GIPC3: variants seen among roughly 807,000 people sequenced by gnomAD.
The protein encoded by GIPC3 is GIPC PDZ domain containing family member 3.
In GIPC3, 16 loss-of-function variants were observed where a neutral mutation model predicts 27.3. The observed-to-expected ratio is 0.59, with a 90% CI of 0.40 to 0.89. The LOEUF is 0.89. GIPC3 is among the 40% of genes least tolerant of loss of function. The pLI is 0.00. For missense variants in GIPC3, 440 were observed against 442.1 expected (o/e 1.00, Z 0.04); for synonymous variants, 194 against 184.6 (o/e 1.05, Z -0.41).
rs918572468 is a variant in GIPC3, at chr19:3,589,647, G to A, written c.705+92G>A. 7.4e-5 allele frequency: 92 copies of A among 1,238,710 alleles called. No homozygotes were observed. In the African/African-American group the frequency reaches 1.2e-3, roughly 17 times the overall value. 76.7% of individuals were successfully genotyped at this position (1,238,710 alleles called of 1,614,324 possible). Reference sequence around the variant, plus strand: ...TCTTGGGTAAGAACTTCTCCTCGGAGCCTCAGTTTCTCTGCCTGCAAAATG... The same window carrying A: ...TCTTGGGTAAGAACTTCTCCTCGGAACCTCAGTTTCTCTGCCTGCAAAATG... On this transcript the variant is annotated intron_variant, in intron 4 of 5. Coordinates refer to ENST00000644452, the MANE Select transcript of GIPC3 (RefSeq NM_133261.3).
Position 3,591,231 on chromosome 19 carries a change from A to G in GIPC3, c.*1041A>G, listed in dbSNP as rs1183285926. On this transcript the variant is annotated 3_prime_UTR_variant, in exon 6 of 6. Transcript: ENST00000644452. ...CTCTGAGGCCAAACCCAGCTCTAGA[A>G]CCCAGATAAGATCTGAGACCAAGCC... is the stretch of plus-strand genomic sequence containing the variant. The G allele has an allele frequency of 8.1e-7, 1 of 1,232,928 alleles. No homozygotes were observed. Among genetic ancestry groups the G allele is most frequent in the East Asian group, 3.2e-5 (1 of 31,726 alleles). The allele number at this position is 1,232,928 out of a possible 1,614,324, so 76.4% of individuals were successfully genotyped here. A position where few individuals can be genotyped will look rare whatever the true frequency, so the allele number is the denominator to read the frequency against.
Position 3,586,891 on chromosome 19 carries a change from C to T in GIPC3, c.489C>T (p.His163=). The T allele has an allele frequency of 1.2e-6, 2 of 1,613,314 alleles. No homozygotes were observed. The highest frequency in any genetic ancestry group is 1.7e-6 in the Non-Finnish European group (2 of 1,179,974). The change falls in exon 3 of 6, where the codon CAC becomes CAT. Residue 163 remains histidine (H), a synonymous_variant. Coordinates refer to ENST00000644452, the MANE Select transcript of GIPC3 (RefSeq NM_133261.3). ...ACAGCATCGAAGCCATCAACGACCA[C>T]TCCATTGTGGGCTGCCGCCACTACG... ...VGDSIEAIND[H]SIVGCRHYEV... is the part of the protein sequence containing the mutation.
Position 3,592,632 on chromosome 19 carries a change from G to A in GIPC3, c.*2442G>A. ...CAGTTCTGGGATTCAGTTTGGCTCT[G>A]AAACCCAGACCGGCTCAAGAATTCA... On this transcript the variant is annotated 3_prime_UTR_variant, in exon 6 of 6. Transcript: ENST00000644452. The A allele has an allele frequency of 2.4e-6, 3 of 1,231,908 alleles. No homozygotes were observed. The highest frequency in any genetic ancestry group is 3.0e-6 in the Non-Finnish European group (3 of 987,978). 76.3% of individuals were successfully genotyped at this position (1,231,908 alleles called of 1,614,324 possible).
At chr19:3,588,159 C>T (rs1331636421) in intron 3 of GIPC3, among the ~76,000 whole-genome samples, 2 of 151,988 alleles carry the variant, frequency 1.3e-5, no homozygotes, top group African/African-American at 2.4e-5. Context: ...CATGTGCCAC[C>T]ATGCCTGGCT....
At position 3,590,314 on chromosome 19, in the gene GIPC3, C is replaced by G; in HGVS notation, c.*124C>G. The G allele has an allele frequency of 1.4e-6, 2 of 1,458,918 alleles. No individual in the cohort carries two copies. The allele number at this position is 1,458,918 out of a possible 1,614,324, so 90.4% of individuals were successfully genotyped here. On this transcript the variant is annotated 3_prime_UTR_variant, in exon 6 of 6. Coordinates refer to ENST00000644452, the MANE Select transcript of GIPC3 (RefSeq NM_133261.3). Reference sequence around the variant, plus strand: ...TCTAGAACCCAATCCAATTTGGAGCCCCAGCCCAACTCCAGAACCCAACCC... The same window carrying G: ...TCTAGAACCCAATCCAATTTGGAGCGCCAGCCCAACTCCAGAACCCAACCC...
At position 3,591,238 on chromosome 19, in the gene GIPC3, T is replaced by A; in HGVS notation, c.*1048T>A. 8.1e-7 allele frequency: 1 copy of A among 1,232,406 alleles called. No homozygotes were observed. 76.3% of individuals were successfully genotyped at this position (1,232,406 alleles called of 1,614,324 possible). ...GCCAAACCCAGCTCTAGAACCCAGATAAGATCTGAGACCAAGCCCTGCTCT... is the reference window on the plus strand; with the variant it reads ...GCCAAACCCAGCTCTAGAACCCAGAAAAGATCTGAGACCAAGCCCTGCTCT... On this transcript the variant is annotated 3_prime_UTR_variant, in exon 6 of 6. Coordinates refer to ENST00000644452, the MANE Select transcript of GIPC3 (RefSeq NM_133261.3).
At position 3,593,309 on chromosome 19, in the gene GIPC3, G is replaced by A. The variant is rs1189981691; in HGVS notation, c.*3119G>A. 23 of 1,232,190 alleles carry A rather than the reference G, an allele frequency of 1.9e-5. No homozygotes were observed. The highest frequency in any genetic ancestry group is 2.2e-5 in the Non-Finnish European group (22 of 988,176). The allele number at this position is 1,232,190 out of a possible 1,614,324, so 76.3% of individuals were successfully genotyped here. On this transcript the variant is annotated 3_prime_UTR_variant, in exon 6 of 6. Coordinates refer to ENST00000644452, the MANE Select transcript of GIPC3 (RefSeq NM_133261.3). ...CGTAGCTTGGCTGTGACTTAGCCCTGGTTCATGTGGTTCTCGTCCTCTCCT... is the reference window on the plus strand; with the variant it reads ...CGTAGCTTGGCTGTGACTTAGCCCTAGTTCATGTGGTTCTCGTCCTCTCCT...
intron 4 of GIPC3, 86 bp from the exon 5 acceptor site, chr19:3,589,744 CT>C: frequency 1.5e-6 from 2 of 1,326,702 alleles, no homozygotes; most frequent in South Asian, 2.4e-5. Flanking sequence ...CCAGTCTACT[CT>C]TCCCTTAGGG....
rs933072372 is a variant in GIPC3, at chr19:3,590,987, C to A, written c.*797C>A. ...CCAAGCCCTGTTCTAGAGTCCAGGC[C>A]AGCTCCGAGACCAAGCCCAGCTCTA... On this transcript the variant is annotated 3_prime_UTR_variant, in exon 6 of 6. Transcript: ENST00000644452. 7 of 1,230,642 alleles carry A rather than the reference C, an allele frequency of 5.7e-6. No homozygotes were observed. The highest frequency in any genetic ancestry group is 7.1e-6 in the Non-Finnish European group (7 of 988,278). The allele number at this position is 1,230,642 out of a possible 1,614,324, so 76.2% of individuals were successfully genotyped here. A position where few individuals can be genotyped will look rare whatever the true frequency, so the allele number is the denominator to read the frequency against.
At chr19:3,585,946 G>A (rs1186674300) in intron 1 of GIPC3, 124 bp downstream of exon 1, 2 of 1,441,178 alleles carry the variant, frequency 1.4e-6, no homozygotes, top group Non-Finnish European at 1.8e-6. Flanking sequence ...CCGCCTAATC[G>A]CCGGATCTCA....
At chr19:3,586,770 C>T (rs2032374492) in intron 2 of GIPC3, 44 bp from the exon 3 acceptor site, 1 of 1,611,760 alleles carries the variant, frequency 6.2e-7, no homozygotes, top group South Asian at 1.1e-5. Context: ...GGATTGGAGG[C>T]GGGTGGCTGG....
chr19:3,591,641 G>A lies in GIPC3; in HGVS notation c.*1451G>A, dbSNP rs1440191412. On this transcript the variant is annotated 3_prime_UTR_variant, in exon 6 of 6. Transcript: ENST00000644452. ...CCAGCTCAGAAACCCAGGTCCACAC[G>A]GCTGCCCAGTCCAGATCCCAACCCC... The A allele has an allele frequency of 1.2e-5, 15 of 1,233,438 alleles. No individual in the cohort carries two copies. Among genetic ancestry groups the A allele is most frequent in the South Asian group, 4.1e-5 (1 of 24,408 alleles). 76.4% of individuals were successfully genotyped at this position (1,233,438 alleles called of 1,614,324 possible). A position where few individuals can be genotyped will look rare whatever the true frequency, so the allele number is the denominator to read the frequency against.
chr19:3,586,367 G>C, intron 1 of GIPC3, 128 bp from the exon 2 acceptor site: 1 of 815,266 alleles, frequency 1.2e-6, no homozygotes, highest in Non-Finnish European at 2.0e-6. Flanking sequence ...TGTTCTGGGG[G>C]TCCCACGCCC....
chr19:3,585,981 G>A (rs1364871990), intron 1 of GIPC3, among the ~76,000 whole-genome samples, 159 bp downstream of exon 1: 2 of 152,186 alleles, frequency 1.3e-5, no homozygotes, highest in African/African-American at 4.8e-5. Flanking sequence ...AGATCCCGGG[G>A]TGCCACACTC....
rs1780171007 is a variant in GIPC3, at chr19:3,590,883, T to C, written c.*693T>C. ...GATGGGCTCCGAGACCAAGCCCAGC[T>C]CTAGAACCCAGATGAGCTCTGAGAC... On this transcript the variant is annotated 3_prime_UTR_variant, in exon 6 of 6. Coordinates refer to ENST00000644452, the MANE Select transcript of GIPC3 (RefSeq NM_133261.3). The C allele has an allele frequency of 8.1e-7, 1 of 1,235,660 alleles. No individual in the cohort carries two copies. Among genetic ancestry groups the C allele is most frequent in the South Asian group, 4.0e-5 (1 of 25,246 alleles). 76.5% of individuals were successfully genotyped at this position (1,235,660 alleles called of 1,614,324 possible).
Position 3,590,618 on chromosome 19 carries a change from G to C in GIPC3, c.*428G>C. On this transcript the variant is annotated 3_prime_UTR_variant, in exon 6 of 6. Coordinates refer to ENST00000644452, the MANE Select transcript of GIPC3 (RefSeq NM_133261.3). ...GCTCTAGAACTCAGATGGGCTCTGAGACCATGCCCAGCTCTAGAACTCAGA... is the reference window on the plus strand; with the variant it reads ...GCTCTAGAACTCAGATGGGCTCTGACACCATGCCCAGCTCTAGAACTCAGA... The C allele has an allele frequency of 7.8e-7, 1 of 1,282,956 alleles. No individual in the cohort carries two copies. Among genetic ancestry groups the C allele is most frequent in the East Asian group, 2.9e-5 (1 of 34,152 alleles). 79.5% of individuals were successfully genotyped at this position (1,282,956 alleles called of 1,614,324 possible). A position where few individuals can be genotyped will look rare whatever the true frequency, so the allele number is the denominator to read the frequency against.
At chr19:3,587,228 G>A (rs1348007122) in intron 3 of GIPC3, among the ~76,000 whole-genome samples, 1 of 152,080 alleles carries the variant, frequency 6.6e-6, no homozygotes, top group Non-Finnish European at 1.5e-5. Flanking sequence ...GTTGGAGGAG[G>A]ACGCGTCCAG....
In GIPC3 at chr19:3,592,836, T is replaced by A; in HGVS notation, c.*2646T>A. 1 of 1,232,128 alleles carries A rather than the reference T, an allele frequency of 8.1e-7. No homozygotes were observed. Among genetic ancestry groups the A allele is most frequent in the Non-Finnish European group, 1.0e-6 (1 of 988,006 alleles). The allele number at this position is 1,232,128 out of a possible 1,614,324, so 76.3% of individuals were successfully genotyped here. A position where few individuals can be genotyped will look rare whatever the true frequency, so the allele number is the denominator to read the frequency against. Reference sequence around the variant, plus strand: ...CAGAACTCACACCAGTTCAAGAATCTGGCTGAGCCCTGGAAATGGAATCTG... The same window carrying A: ...CAGAACTCACACCAGTTCAAGAATCAGGCTGAGCCCTGGAAATGGAATCTG... On this transcript the variant is annotated 3_prime_UTR_variant, in exon 6 of 6. Transcript: ENST00000644452.
Position 3,591,184 on chromosome 19 carries a change from C to G in GIPC3, c.*994C>G. On this transcript the variant is annotated 3_prime_UTR_variant, in exon 6 of 6. Coordinates refer to ENST00000644452, the MANE Select transcript of GIPC3 (RefSeq NM_133261.3). ...ACCAATCCCAGCATTGAGACCAAGC[C>G]CTGTTCTAGAACTCAGGCCACCTCT... 1 of 1,233,194 alleles carries G rather than the reference C, an allele frequency of 8.1e-7. No individual in the cohort carries two copies. Among genetic ancestry groups the G allele is most frequent in the Non-Finnish European group, 1.0e-6 (1 of 988,856 alleles). The allele number at this position is 1,233,194 out of a possible 1,614,324, so 76.4% of individuals were successfully genotyped here.
Sources: gnomAD v4.1 joint callset for allele counts (sites outside exome capture counted in the v4.1 genomes callset) on GRCh38, gnomAD v4.1.1 for gene constraint, MANE v1.5 for transcripts, NCBI Gene and HGNC (gene_info 2026-07-23, HGNC 2026-07-21) for gene names.